ENOPH1: variants seen among roughly 807,000 people sequenced by gnomAD.
ENOPH1 encodes enolase-phosphatase E1.
ENOPH1 carries 14 observed loss-of-function variants against 31.1 expected under a neutral mutation model. That is an observed-to-expected ratio of 0.45 (90% confidence interval 0.30 to 0.70). The LOEUF is 0.70. ENOPH1 is among the 30% of genes least tolerant of loss of function. The probability of loss-of-function intolerance (pLI) is 0.09; values close to 1 mark genes in which losing one functional copy is unlikely to be tolerated. For missense variants in ENOPH1, 243 were observed against 321.5 expected, an observed-to-expected ratio of 0.76 and a Z score of 1.87; for synonymous variants, 127 against 123.2, an observed-to-expected ratio of 1.03 and a Z score of -0.21.
intron 1 of ENOPH1, among the ~76,000 whole-genome samples, chr4:82,446,949 A>C (rs1011600598): frequency 6.9e-6 from 1 of 145,304 alleles, no homozygotes; most frequent in Non-Finnish European, 1.5e-5. Flanking sequence ...CTCATGATCC[A>C]CCCGCCTCGG....
At chr4:82,451,334 A>G in intron 3 of ENOPH1, 89 bp downstream of exon 3, 1 of 1,262,860 alleles carries the variant, frequency 7.9e-7, no homozygotes, top group Non-Finnish European at 1.1e-6. Context: ...GTAAGTCACA[A>G]GACTGGTAAA....
chr4:82,456,813 T>G, intron 4 of ENOPH1, 102 bp from the exon 5 acceptor site: 1 of 1,421,088 alleles, frequency 7.0e-7, no homozygotes, highest in South Asian at 1.4e-5. Flanking sequence ...CAGAAAATAC[T>G]GAACGAATGA....
intron 1 of ENOPH1, among the ~76,000 whole-genome samples, chr4:82,443,271 T>C (rs1018127433): frequency 1.3e-5 from 2 of 151,292 alleles, no homozygotes; most frequent in African/African-American, 4.9e-5. Flanking sequence ...ACCCCATCTC[T>C]ACTAAAAATT....
chr4:82,431,835 A>G (rs1721772003), intron 1 of ENOPH1, among the ~76,000 whole-genome samples: 1 of 152,138 alleles, frequency 6.6e-6, no homozygotes, highest in Non-Finnish European at 1.5e-5. Context: ...GGAAAAATCC[A>G]TCTTCCAAGA....
intron 2 of ENOPH1, among the ~76,000 whole-genome samples, chr4:82,448,236 G>GTT (rs540208994): frequency 2.0e-5 from 3 of 148,866 alleles, no homozygotes; most frequent in African/African-American, 7.4e-5. Flanking sequence ...CTCTTTGGTT[G>GTT]TTTTTTTTTG....
intron 1 of ENOPH1, among the ~76,000 whole-genome samples, chr4:82,431,890 T>A (rs780101787): frequency 1.7e-4 from 26 of 150,724 alleles, no homozygotes; most frequent in East Asian, 3.9e-4. Context: ...TTTCCATTTT[T>A]AAAAAAAATT....
At chr4:82,437,368 C>G (rs1289423572) in intron 1 of ENOPH1, among the ~76,000 whole-genome samples, 1 of 152,220 alleles carries the variant, frequency 6.6e-6, no homozygotes, top group Non-Finnish European at 1.5e-5. Flanking sequence ...TAGTCTCTCA[C>G]TGGCTGTGAG....
chr4:82,446,652 T>G (rs917352991), intron 1 of ENOPH1, among the ~76,000 whole-genome samples: 3 of 150,520 alleles, frequency 2.0e-5, no homozygotes, highest in African/African-American at 7.3e-5. Context: ...CTGAATTGTT[T>G]TGCACATCAC....
At chr4:82,456,679 G>C (rs920277979) in intron 4 of ENOPH1, among the ~76,000 whole-genome samples, 2 of 152,108 alleles carry the variant, frequency 1.3e-5, no homozygotes, top group African/African-American at 4.8e-5. Flanking sequence ...TGAAAACCAG[G>C]TAGATTATGA....
Position 82,451,133 on chromosome 4 carries a change from G to A in ENOPH1, c.277G>A (p.Val93Met), listed in dbSNP as rs767059384. The A allele has an allele frequency of 6.4e-5, 104 of 1,614,058 alleles. No individual in the cohort carries two copies. The Middle Eastern group carries it at 2.1e-3, about 33-fold the overall frequency. Reference sequence around the variant, plus strand: ...TGATCTGCAACAGATGATCCAGGCCGTGGTAGATAATGTGTGCTGGCAGAT... The same window carrying A: ...TGATCTGCAACAGATGATCCAGGCCATGGTAGATAATGTGTGCTGGCAGAT... ...VDDLQQMIQAVVDNVCWQMSL... is the reference protein window; with the variant it reads ...VDDLQQMIQAMVDNVCWQMSL... The change falls in exon 3 of 6, where the codon GTG (valine) becomes ATG (methionine). Residue 93 changes from valine to methionine, a missense_variant. Physicochemically the swap from Val to Met is conservative, Grantham distance 21. Transcript: ENST00000273920.
At position 82,453,636 on chromosome 4, in the gene ENOPH1, A is replaced by T. The variant is rs116374552; in HGVS notation, c.390-1086A>T. 9.0e-3 allele frequency among the ~76,000 whole-genome samples: 1,377 copies of T among 152,332 alleles called. 15 individuals are homozygous for T. The highest frequency in any genetic ancestry group is 0.032 in the African/African-American group (1,327 of 41,570). On this transcript the variant is annotated intron_variant, in intron 3 of 5. Coordinates refer to ENST00000273920, the MANE Select transcript of ENOPH1 (RefSeq NM_021204.5). The stretch of plus-strand genomic sequence containing the variant: ...TGCAACATGTTAAGCATGTTAATAC[A>T]TATAAAGCGGAAGACTCCACTGACA...
chr4:82,442,344 A>AC (rs1722062742), intron 1 of ENOPH1, among the ~76,000 whole-genome samples: 1 of 152,046 alleles, frequency 6.6e-6, no homozygotes, highest in Admixed American at 6.5e-5. Context: ...ACATGGTGAA[A>AC]CCCCATCTCT....
intron 3 of ENOPH1, 128 bp from the exon 4 acceptor site, chr4:82,454,594 T>C: frequency 1.0e-6 from 1 of 994,346 alleles, no homozygotes; most frequent in Non-Finnish European, 1.5e-6. Flanking sequence ...GAGTTTGTAG[T>C]CTCAGGGAGC....
chr4:82,439,444 C>T (rs1298908945), intron 1 of ENOPH1, among the ~76,000 whole-genome samples: 1 of 152,204 alleles, frequency 6.6e-6, no homozygotes, highest in East Asian at 1.9e-4. Context: ...CTCCAGCTCT[C>T]TCTGGACTGG....
intron 5 of ENOPH1, among the ~76,000 whole-genome samples, chr4:82,458,260 A>G (rs1722541450): frequency 6.6e-6 from 1 of 152,162 alleles, no homozygotes; most frequent in African/African-American, 2.4e-5. Context: ...TAATCCTAGC[A>G]CTTTGGGAGG....
chr4:82,434,943 T>C (rs1005939939), intron 1 of ENOPH1, among the ~76,000 whole-genome samples: 3 of 151,930 alleles, frequency 2.0e-5, no homozygotes, highest in Non-Finnish European at 4.4e-5. Flanking sequence ...AATTTCAGTT[T>C]ATAGCATGTC....
At chr4:82,446,129 A>C (rs1161994383) in intron 1 of ENOPH1, among the ~76,000 whole-genome samples, 1 of 152,088 alleles carries the variant, frequency 6.6e-6, no homozygotes, top group Non-Finnish European at 1.5e-5. Context: ...ATATGTTAAG[A>C]ATATATCACC....
Position 82,451,193 on chromosome 4 carries a change from C to G in ENOPH1, c.337C>G (p.Leu113Val). 6.2e-7 allele frequency: 1 copy of G among 1,614,226 alleles called. No homozygotes were observed. The highest frequency in any genetic ancestry group is 8.5e-7 in the Non-Finnish European group (1 of 1,180,042). ...TCGAAAGACCACTGCACTCAAACAG[C>G]TGCAGGGCCACATGTGGAGGGCGGC... ...LDRKTTALKQ[L>V]QGHMWRAAFT... The change falls in exon 3 of 6, where the codon CTG becomes GTG. Residue 113 changes from leucine (L) to valine (V), a missense_variant. Physicochemically the swap from Leu to Val is conservative, Grantham distance 32. Coordinates refer to ENST00000273920, the MANE Select transcript of ENOPH1 (RefSeq NM_021204.5).
chr4:82,437,082 T>TA (rs916782712), intron 1 of ENOPH1, among the ~76,000 whole-genome samples: 20 of 151,316 alleles, frequency 1.3e-4, no homozygotes, highest in African/African-American at 2.7e-4. Flanking sequence ...GACCCTGTCT[T>TA]AAAAAAAAAT....
Sources: allele counts gnomAD v4.1 joint callset (sites outside exome capture counted in the v4.1 genomes callset), GRCh38; gene constraint gnomAD v4.1.1; transcripts MANE v1.5; gene names NCBI Gene and HGNC (gene_info 2026-07-23, HGNC 2026-07-21).